Variants in WDR35 observed in about 807,000 individuals in gnomAD.
The protein encoded by WDR35 is WD repeat domain 35.
WDR35 carries 118 observed loss-of-function variants against 158.3 expected under a neutral mutation model. The ratio of observed to expected loss-of-function variants is 0.75; its 90% CI spans 0.64 to 0.87. The LOEUF is 0.87. Among genes scored for constraint, WDR35 ranks in the 40% least tolerant of loss-of-function variants. The pLI is 0.00. For synonymous variants in WDR35, 448 were observed against 476.1 expected (o/e 0.94, Z 0.77); for missense variants, 1,263 against 1,405.8 (o/e 0.90, Z 1.62).
chr2:19,919,744 C>G (rs1307412469), intron 25 of WDR35, among the ~76,000 whole-genome samples: 4 of 152,096 alleles, frequency 2.6e-5, no homozygotes. Context: ...CACAGCAGAA[C>G]TGAAGGAGAT....
chr2:19,945,540 G>C (rs995637945), intron 16 of WDR35, among the ~76,000 whole-genome samples: 1 of 152,074 alleles, frequency 6.6e-6, no homozygotes, highest in Non-Finnish European at 1.5e-5. Context: ...AAAAAGAACA[G>C]ATAAATAAAT....
intron 19 of WDR35, 64 bp from the exon 20 acceptor site, chr2:19,936,429 G>C (rs1670699670): frequency 4.4e-6 from 7 of 1,608,510 alleles, no homozygotes; most frequent in Middle Eastern, 1.7e-4. Flanking sequence ...AGAGCCTGCT[G>C]TGTGTTAGGT....
chr2:19,949,708 A>G (rs928930101), intron 13 of WDR35, among the ~76,000 whole-genome samples: 2 of 152,234 alleles, frequency 1.3e-5, no homozygotes, highest in Non-Finnish European at 2.9e-5. Context: ...AAATTATTGC[A>G]GTGACCTAGG....
intron 1 of WDR35, 126 bp from the exon 2 acceptor site, chr2:19,989,408 G>A (rs1672676106): frequency 6.9e-6 from 6 of 868,704 alleles, no homozygotes; most frequent in Non-Finnish European, 1.2e-5. Flanking sequence ...GAAAAAAAAT[G>A]AGCTGTTGTG....
chr2:19,934,524 T>G lies in WDR35; in HGVS notation c.2547+947A>C, dbSNP rs1027643312. 6.6e-6 allele frequency among the ~76,000 whole-genome samples: 1 copy of G among 151,970 alleles called. No homozygotes were observed. The highest frequency in any genetic ancestry group is 2.4e-5 in the African/African-American group (1 of 41,418). On this transcript the variant is annotated intron_variant, in intron 21 of 26. Coordinates refer to ENST00000281405, the MANE Select transcript of WDR35 (RefSeq NM_020779.4). This position sits in a 1 kb window ranked among gnomAD's most constrained non-coding sequence, Gnocchi z 4.6. ...TATTTAAAATTTATAATACTAAAAT[T>G]TTTACTATTTTAGTTATTTAATTAT...
intron 16 of WDR35, among the ~76,000 whole-genome samples, chr2:19,943,603 C>T (rs947150786): frequency 3.3e-5 from 5 of 151,380 alleles, no homozygotes; most frequent in Admixed American, 3.3e-4. Flanking sequence ...TTTGGGAGCC[C>T]CTTGTTTGAA....
intron 25 of WDR35, among the ~76,000 whole-genome samples, chr2:19,929,941 A>T (rs1670474296): frequency 6.6e-6 from 1 of 151,998 alleles, no homozygotes. Flanking sequence ...AAATATGGAA[A>T]TATTTTAAAA....
rs2103419198 is a variant in WDR35, at chr2:19,948,223, ATAAAT to A, written c.1471-11_1471-7del. On this transcript the variant is annotated splice_polypyrimidine_tract_variant and splice_region_variant and intron_variant, in intron 13 of 26. Transcript: ENST00000281405. ...CAAATTGGATCCCTTGTGCCCTAAA[ATAAAT>A]TAATCAATCATTACTATTCAACAAA... 1 of 1,609,370 alleles carries A rather than the reference ATAAAT, an allele frequency of 6.2e-7. No homozygotes were observed. The highest frequency in any genetic ancestry group is 1.3e-5 in the African/African-American group (1 of 74,982).
chr2:19,932,201 AG>A (rs1670546444), intron 23 of WDR35, 81 bp downstream of exon 23: 38 of 1,571,306 alleles, frequency 2.4e-5, no homozygotes, highest in Non-Finnish European at 3.2e-5. Context: ...TTGTTTCCAA[AG>A]AAAATGGAGA....
intron 25 of WDR35, among the ~76,000 whole-genome samples, chr2:19,921,169 AGATTCAAT>A (rs1670153953): frequency 6.6e-6 from 1 of 152,254 alleles, no homozygotes. Flanking sequence ...AGTAATTTAT[AGATTCAAT>A]GCTATCCCAA....
rs562168668 is a variant in WDR35 at position 19,948,634 on chromosome 2, G to A, written c.1471-417C>T. Reference sequence around the variant, plus strand: ...AGGAAATGTAAGAAGGCATTGCACTGCAACAACCTGGACAAGTCTCTAGGG... The same window carrying A: ...AGGAAATGTAAGAAGGCATTGCACTACAACAACCTGGACAAGTCTCTAGGG... On this transcript the variant is annotated intron_variant, in intron 13 of 26. Coordinates refer to ENST00000281405, the MANE Select transcript of WDR35 (RefSeq NM_020779.4). 3.9e-5 allele frequency among the ~76,000 whole-genome samples: 6 copies of A among 152,262 alleles called. No individual in the cohort carries two copies. The South Asian group carries it at 6.2e-4, about 16-fold the overall frequency.
intron 14 of WDR35, among the ~76,000 whole-genome samples, chr2:19,946,859 A>C (rs1671076893): frequency 6.6e-6 from 1 of 152,198 alleles, no homozygotes; most frequent in Admixed American, 6.5e-5. Flanking sequence ...AAGGAAAAAA[A>C]ATCTAAAGTT....
rs1374046467 is a variant in WDR35 at position 19,937,728 on chromosome 2, G to A, written c.2267+15C>T. 10 of 1,613,896 alleles carry A rather than the reference G, an allele frequency of 6.2e-6. No homozygotes were observed. Among genetic ancestry groups the A allele is most frequent in the East Asian group, 2.2e-5 (1 of 44,894 alleles). ...TGATAGAGTACTCAGGGATGCCTGC[G>A]CCTTCATAACTTACCTTCTGTCCAT... On this transcript the variant is annotated intron_variant, in intron 19 of 26. Coordinates refer to ENST00000281405, the MANE Select transcript of WDR35 (RefSeq NM_020779.4).
At chr2:19,919,313 G>A (rs1166193809) in intron 25 of WDR35, among the ~76,000 whole-genome samples, 9 of 149,826 alleles carry the variant, frequency 6.0e-5, no homozygotes, top group Admixed American at 1.3e-4. Flanking sequence ...CCCAGGAGGC[G>A]GAGCTTGCAG....
intron 25 of WDR35, among the ~76,000 whole-genome samples, chr2:19,926,720 A>G (rs190062679): frequency 1.2e-3 from 187 of 152,358 alleles, no homozygotes; most frequent in African/African-American, 4.4e-3. Flanking sequence ...AAGCAGAACA[A>G]CTAGTTTGGT....
At chr2:19,966,962 T>C (rs1294282997) in intron 9 of WDR35, 53 bp from the exon 10 acceptor site, 3 of 1,567,100 alleles carry the variant, frequency 1.9e-6, no homozygotes, top group East Asian at 2.3e-5. Context: ...AGAAGAATTA[T>C]TTAGTATTGG....
At chr2:19,976,519 A>G (rs1226410504) in intron 5 of WDR35, among the ~76,000 whole-genome samples, 1 of 152,008 alleles carries the variant, frequency 6.6e-6, no homozygotes, top group Non-Finnish European at 1.5e-5. Flanking sequence ...GTACCCTCTA[A>G]ATCTATAAAA....
At chr2:19,985,176 G>T (rs114423833) in intron 2 of WDR35, among the ~76,000 whole-genome samples, 412 of 152,252 alleles carry the variant, frequency 2.7e-3, no homozygotes, top group African/African-American at 9.3e-3. Context: ...TGCAAATGTT[G>T]GCTTCCAGGG....
At chr2:19,985,658 C>T (rs1256506312) in intron 2 of WDR35, among the ~76,000 whole-genome samples, 4 of 148,498 alleles carry the variant, frequency 2.7e-5, no homozygotes, top group East Asian at 2.0e-4. Context: ...CCCAGGCGGG[C>T]GAGTCACTTG....
Sources: gnomAD v4.1 joint callset for allele counts (sites outside exome capture counted in the v4.1 genomes callset) on GRCh38, gnomAD v4.1.1 for gene constraint, Gnocchi (gnomAD v3.1) non-coding constraint, MANE v1.5 for transcripts, NCBI Gene and HGNC (gene_info 2026-07-23, HGNC 2026-07-21) for gene names.